SLC9A9: variants seen among roughly 807,000 people sequenced by gnomAD.
SLC9A9 encodes the protein solute carrier family 9 member A9.
SLC9A9 carries 62 observed loss-of-function variants against 77.8 expected under a neutral mutation model. The ratio of observed to expected loss-of-function variants is 0.80; its 90% CI spans 0.65 to 0.98. The LOEUF (loss-of-function observed/expected upper bound fraction) is 0.98. Among genes scored for constraint, SLC9A9 ranks in the 50% least tolerant of loss-of-function variants. The pLI, the probability that SLC9A9 is intolerant of heterozygous loss-of-function variation, is 0.00. For missense variants in SLC9A9, 775 were observed against 774.9 expected, an observed-to-expected ratio of 1.00 and a Z score of 0.00; for synonymous variants, 320 against 283.5, an observed-to-expected ratio of 1.13 and a Z score of -1.29.
chr3:143,338,929 A>G (rs975219966), intron 14 of SLC9A9, among the ~76,000 whole-genome samples: 3 of 152,236 alleles, frequency 2.0e-5, no homozygotes, highest in African/African-American at 7.2e-5. Flanking sequence ...CCTTTAACTT[A>G]TTACATAAAA....
intron 12 of SLC9A9, among the ~76,000 whole-genome samples, chr3:143,393,156 C>G (rs1173846892): frequency 6.6e-6 from 1 of 152,206 alleles, no homozygotes; most frequent in Non-Finnish European, 1.5e-5. Flanking sequence ...CTTCTCTGCA[C>G]CACACCACAC....
rs143398604 is a variant in SLC9A9, at chr3:143,798,092, C to T, written c.379-1189G>A. Among the ~76,000 whole-genome samples the T allele has an allele frequency of 8.0e-3, 1,224 of 152,328 alleles. 7 individuals carry two copies. The highest frequency in any genetic ancestry group is 0.01 in the Non-Finnish European group (696 of 68,032). ...TCTCACCAATTTTAAATCCGGTAAG[C>T]GGACTCTCTTTACTCTCTTCTCCAG... On this transcript the variant is annotated intron_variant, in intron 2 of 15. Coordinates refer to ENST00000316549, the MANE Select transcript of SLC9A9 (RefSeq NM_173653.4).
intron 3 of SLC9A9, 47 bp from the exon 4 acceptor site, chr3:143,795,124 T>G: frequency 6.5e-7 from 1 of 1,547,152 alleles, no homozygotes; most frequent in Non-Finnish European, 8.9e-7. Flanking sequence ...GAATTTTTTC[T>G]TAGTGCAAAA....
At chr3:143,762,246 C>G (rs962528624) in intron 4 of SLC9A9, among the ~76,000 whole-genome samples, 1 of 152,038 alleles carries the variant, frequency 6.6e-6, no homozygotes, top group Non-Finnish European at 1.5e-5. Flanking sequence ...ATGTAAATGA[C>G]GAGTTAATGG....
At chr3:143,582,540 A>T (rs1470579246) in intron 6 of SLC9A9, among the ~76,000 whole-genome samples, 1 of 152,200 alleles carries the variant, frequency 6.6e-6, no homozygotes, top group Admixed American at 6.5e-5. Flanking sequence ...AGGGCACACC[A>T]AGCTCTGAGG....
Position 143,266,547 on chromosome 3 carries a change from G to A in SLC9A9, c.*155C>T. On this transcript the variant is annotated 3_prime_UTR_variant, in exon 16 of 16. Transcript: ENST00000316549. Reference sequence around the variant, plus strand: ...GGATAATAAAATCTCATTTCTTCAGGCACCAGAGGATCCATGTGACAAGGC... The same window carrying A: ...GGATAATAAAATCTCATTTCTTCAGACACCAGAGGATCCATGTGACAAGGC... 1.3e-6 allele frequency: 1 copy of A among 748,588 alleles called. No individual in the cohort carries two copies. Among genetic ancestry groups the A allele is most frequent in the Non-Finnish European group, 2.3e-6 (1 of 439,676 alleles). The allele number at this position is 748,588 out of a possible 1,614,324, so 46.4% of individuals were successfully genotyped here.
At chr3:143,449,624 T>A (rs1229339139) in intron 12 of SLC9A9, among the ~76,000 whole-genome samples, 1 of 45,264 alleles carries the variant, frequency 2.2e-5, no homozygotes, top group Admixed American at 4.3e-4. Context: ...ATTATATAAT[T>A]ATATAAAATA....
intron 8 of SLC9A9, among the ~76,000 whole-genome samples, chr3:143,559,019 C>T (rs2037037211): frequency 6.6e-6 from 1 of 152,094 alleles, no homozygotes; most frequent in Non-Finnish European, 1.5e-5. Context: ...AGTGAGTTCT[C>T]ACTAGATCTG....
intron 6 of SLC9A9, among the ~76,000 whole-genome samples, chr3:143,580,522 C>G (rs1349357656): frequency 6.6e-6 from 1 of 152,068 alleles, no homozygotes; most frequent in Non-Finnish European, 1.5e-5. Context: ...GTACGTTTTT[C>G]TTTAAATCAT....
chr3:143,682,331 G>T (rs1465583694), intron 5 of SLC9A9, among the ~76,000 whole-genome samples: 2 of 152,048 alleles, frequency 1.3e-5, no homozygotes, highest in African/African-American at 4.8e-5. Flanking sequence ...CTAAACCTTA[G>T]TTTGCTCTTT....
intron 14 of SLC9A9, among the ~76,000 whole-genome samples, chr3:143,350,692 G>A (rs1380569382): frequency 6.6e-6 from 1 of 152,126 alleles, no homozygotes; most frequent in African/African-American, 2.4e-5. Context: ...ACTTTGTGGG[G>A]CAAATATGAT....
intron 12 of SLC9A9, among the ~76,000 whole-genome samples, chr3:143,433,375 C>T (rs993647890): frequency 1.3e-5 from 2 of 152,180 alleles, no homozygotes; most frequent in South Asian, 2.1e-4. Flanking sequence ...TGTTTTGACT[C>T]TGCTTATCTC....
At chr3:143,588,194 T>C (rs2037579068) in intron 6 of SLC9A9, among the ~76,000 whole-genome samples, 1 of 152,162 alleles carries the variant, frequency 6.6e-6, no homozygotes, top group African/African-American at 2.4e-5. Flanking sequence ...TGGAGGAAAT[T>C]CATGCCCTAG....
intron 14 of SLC9A9, among the ~76,000 whole-genome samples, chr3:143,337,328 A>G (rs1407588934): frequency 6.6e-6 from 1 of 151,960 alleles, no homozygotes; most frequent in East Asian, 1.9e-4. Context: ...AGCCTTCTCT[A>G]AATTGTATTT....
chr3:143,324,252 A>T (rs1416479544), intron 14 of SLC9A9, among the ~76,000 whole-genome samples: 6 of 152,170 alleles, frequency 3.9e-5, no homozygotes, highest in Admixed American at 3.9e-4. Context: ...TTCCCCAGGC[A>T]GTGGGTGAGC....
intron 5 of SLC9A9, among the ~76,000 whole-genome samples, chr3:143,667,058 A>G (rs1397083425): frequency 4.6e-5 from 7 of 152,368 alleles, no homozygotes; most frequent in African/African-American, 1.7e-4. Flanking sequence ...AGCTGGAGGC[A>G]TCATGCTACC....
chr3:143,821,938 C>G (rs1179987521), intron 2 of SLC9A9, among the ~76,000 whole-genome samples: 1 of 152,218 alleles, frequency 6.6e-6, no homozygotes, highest in Non-Finnish European at 1.5e-5. Context: ...CTGTGCCACT[C>G]TGACTCCCCT....
At chr3:143,529,359 A>G (rs981404694) in intron 9 of SLC9A9, among the ~76,000 whole-genome samples, 3 of 152,216 alleles carry the variant, frequency 2.0e-5, no homozygotes, top group Non-Finnish European at 2.9e-5. Context: ...AATTCATCTG[A>G]AGCATTTTGG....
intron 12 of SLC9A9, among the ~76,000 whole-genome samples, chr3:143,388,690 G>A (rs1327272254): frequency 6.6e-6 from 1 of 152,168 alleles, no homozygotes; most frequent in Non-Finnish European, 1.5e-5. Flanking sequence ...ATAGGTTAAA[G>A]ACAAGAGCGG....
Sources: allele counts gnomAD v4.1 joint callset (sites outside exome capture counted in the v4.1 genomes callset), GRCh38; gene constraint gnomAD v4.1.1; transcripts MANE v1.5; gene names NCBI Gene and HGNC (gene_info 2026-07-23, HGNC 2026-07-21).